AGBL4: variants seen among roughly 807,000 people sequenced by gnomAD.
AGBL4 encodes the protein AGBL carboxypeptidase 4, also known as cytosolic carboxypeptidase 6.
In AGBL4, 58 loss-of-function variants were observed where a neutral mutation model predicts 66.4. The observed-to-expected ratio is 0.87, with a 90% CI of 0.71 to 1.09. The LOEUF (loss-of-function observed/expected upper bound fraction) is 1.09, where lower values mean the gene tolerates loss of function less well. AGBL4 is among the 50% of genes least tolerant of loss of function. AGBL4 has a pLI of 0.00. For synonymous variants in AGBL4, 234 were observed against 222.9 expected (o/e 1.05, Z -0.44); for missense variants, 579 against 631.0 (o/e 0.92, Z 0.88).
At chr1:48,884,206 T>C (rs1650065498) in intron 5 of AGBL4, among the ~76,000 whole-genome samples, 1 of 152,226 alleles carries the variant, frequency 6.6e-6, no homozygotes, top group African/African-American at 2.4e-5. Context: ...AATCTGTAAG[T>C]ATTTTTTACA....
intron 2 of AGBL4, among the ~76,000 whole-genome samples, chr1:49,823,011 T>TA (rs1645409314): frequency 6.6e-6 from 1 of 152,184 alleles, no homozygotes; most frequent in Admixed American, 6.5e-5. Context: ...TCACACCAGT[T>TA]AGATACAGAT....
chr1:48,740,368 A>G (rs1649729637), intron 6 of AGBL4, among the ~76,000 whole-genome samples: 1 of 152,204 alleles, frequency 6.6e-6, no homozygotes, highest in Admixed American at 6.5e-5. Flanking sequence ...ATGTAATTAT[A>G]GAGGAGTCCC....
At chr1:49,907,943 A>G (rs1278232526) in intron 1 of AGBL4, among the ~76,000 whole-genome samples, 3 of 152,098 alleles carry the variant, frequency 2.0e-5, no homozygotes, top group African/African-American at 7.2e-5. Context: ...ATTTTGCGAT[A>G]ACCTAAAACT....
At chr1:49,412,062 G>C (rs1382498926) in intron 3 of AGBL4, among the ~76,000 whole-genome samples, 1 of 151,784 alleles carries the variant, frequency 6.6e-6, no homozygotes, top group Admixed American at 6.6e-5. Context: ...ATATTTATTA[G>C]GTTCCTATTT....
At chr1:48,721,093 G>C (rs534691537) in intron 6 of AGBL4, among the ~76,000 whole-genome samples, 1 of 151,978 alleles carries the variant, frequency 6.6e-6, no homozygotes, top group East Asian at 2.0e-4. Context: ...AAAGCTTGAG[G>C]GTGCTCCACA....
At chr1:49,976,924 A>G (rs1166090972) in intron 1 of AGBL4, among the ~76,000 whole-genome samples, 1 of 152,238 alleles carries the variant, frequency 6.6e-6, no homozygotes, top group African/African-American at 2.4e-5. Context: ...TTTAGAAGAT[A>G]CATTGTGATG....
At chr1:49,911,675 T>C (rs1650844091) in intron 1 of AGBL4, among the ~76,000 whole-genome samples, 3 of 152,204 alleles carry the variant, frequency 2.0e-5, no homozygotes. Context: ...CCCAGGTGGC[T>C]GATCTGCCCC....
chr1:49,207,594 CT>C (rs1010074890), intron 4 of AGBL4, among the ~76,000 whole-genome samples: 1 of 106,124 alleles, frequency 9.4e-6, no homozygotes, highest in Non-Finnish European at 1.9e-5. Context: ...TTCTTTCTTT[CT>C]TTCTTTCTTC....
chr1:49,158,362 CA>C (rs200719349), intron 4 of AGBL4, among the ~76,000 whole-genome samples: 1 of 151,534 alleles, frequency 6.6e-6, no homozygotes, highest in Non-Finnish European at 1.5e-5. Context: ...TTCTGCACAG[CA>C]AAAAAAACTA....
chr1:49,418,542 C>CA (rs1446619307), intron 3 of AGBL4, among the ~76,000 whole-genome samples: 2 of 152,076 alleles, frequency 1.3e-5, no homozygotes, highest in Non-Finnish European at 2.9e-5. Flanking sequence ...ACAACAACAA[C>CA]AAAAAACCAA....
At chr1:48,850,296 G>C (rs566940748) in intron 6 of AGBL4, among the ~76,000 whole-genome samples, 1 of 152,320 alleles carries the variant, frequency 6.6e-6, no homozygotes, top group South Asian at 2.1e-4. Context: ...CCTGTTTGCA[G>C]CTGTCAGATC....
chr1:49,964,087 C>A (rs1657351000), intron 1 of AGBL4, among the ~76,000 whole-genome samples: 1 of 152,106 alleles, frequency 6.6e-6, no homozygotes, highest in African/African-American at 2.4e-5. Context: ...AATTTAATTT[C>A]TCTCATCTTG....
rs183572808 is a variant in AGBL4 at position 49,845,748 on chromosome 1, T to C, written c.157+5648A>G. The C allele has an allele frequency of 4.2e-3, 6,614 of 1,586,822 alleles. 21 individuals are homozygous for C. The highest frequency in any genetic ancestry group is 4.8e-3 in the Non-Finnish European group (5,572 of 1,157,016). ...GGATTTACACGGGAGAGAAGCCCTATGGATGCAACGAGTGTGGGAAAACCT... is the reference window on the plus strand; with the variant it reads ...GGATTTACACGGGAGAGAAGCCCTACGGATGCAACGAGTGTGGGAAAACCT... On this transcript the variant is annotated intron_variant, in intron 2 of 13. Coordinates refer to ENST00000371839, the MANE Select transcript of AGBL4 (RefSeq NM_032785.4).
At chr1:49,217,603 T>C (rs1286567908) in intron 4 of AGBL4, among the ~76,000 whole-genome samples, 1 of 152,144 alleles carries the variant, frequency 6.6e-6, no homozygotes, top group Admixed American at 6.6e-5. Flanking sequence ...TGGCCTATGC[T>C]CTTTTTGTGG....
intron 3 of AGBL4, among the ~76,000 whole-genome samples, chr1:49,315,046 G>T (rs188336689): frequency 1.3e-5 from 2 of 151,894 alleles, no homozygotes; most frequent in East Asian, 3.9e-4. Context: ...CATGGTACTG[G>T]TACCAAAACA....
chr1:48,830,783 G>A lies in AGBL4; in HGVS notation c.634+36408C>T, dbSNP rs147324833. On this transcript the variant is annotated intron_variant, in intron 6 of 13. Transcript: ENST00000371839. ...GGAATAGATCATAAGAAAATATTTG[G>A]ATAATTGTATAAAAATGGAAGAATA... is the stretch of plus-strand genomic sequence containing the variant. Among the ~76,000 whole-genome samples the A allele has an allele frequency of 4.4e-3, 677 of 152,272 alleles. 3 individuals are homozygous for A. The highest frequency in any genetic ancestry group is 0.01 in the Middle Eastern group (3 of 294).
At chr1:49,862,942 A>G (rs1329537941) in intron 1 of AGBL4, among the ~76,000 whole-genome samples, 1 of 152,232 alleles carries the variant, frequency 6.6e-6, no homozygotes, top group Non-Finnish European at 1.5e-5. Context: ...AATGAGCAAT[A>G]AGTAATTACC....
rs1454029428 is a variant in AGBL4, at chr1:49,381,329, T to C, written c.283-135465A>G. Among the ~76,000 whole-genome samples, 8 of 152,284 alleles carry C rather than the reference T, an allele frequency of 5.3e-5. No homozygotes were observed. The South Asian group carries it at 1.7e-3, about 32-fold the overall frequency. On this transcript the variant is annotated intron_variant, in intron 3 of 13. Coordinates refer to ENST00000371839, the MANE Select transcript of AGBL4 (RefSeq NM_032785.4). ...TCACACCAGTTAGAATGGCGATCAC[T>C]AAAAAGTCAGGAAACAACAGGTGCT...
intron 3 of AGBL4, among the ~76,000 whole-genome samples, chr1:49,657,408 A>G (rs1284071358): frequency 6.6e-6 from 1 of 152,216 alleles, no homozygotes; most frequent in Non-Finnish European, 1.5e-5. Flanking sequence ...GGAAGAATCA[A>G]TATCGTGAAA....
Sources: gnomAD v4.1 joint callset for allele counts (sites outside exome capture counted in the v4.1 genomes callset) on GRCh38, gnomAD v4.1.1 for gene constraint, MANE v1.5 for transcripts, NCBI Gene and HGNC (gene_info 2026-07-23, HGNC 2026-07-21) for gene names.